EPHA4: variants seen among roughly 807,000 people sequenced by gnomAD.
The protein encoded by EPHA4 is ephrin type-A receptor 4.
In EPHA4, 19 loss-of-function variants were observed where a neutral mutation model predicts 108.3. That is an observed-to-expected ratio of 0.18 (90% confidence interval 0.12 to 0.26). The LOEUF (loss-of-function observed/expected upper bound fraction) is 0.26, where lower values mean the gene tolerates loss of function less well. Among genes scored for constraint, EPHA4 ranks in the 10% least tolerant of loss-of-function variants. The pLI is 1.00. For synonymous variants in EPHA4, 449 were observed against 455.5 expected, an observed-to-expected ratio of 0.99 and a Z score of 0.18; for missense variants, 917 against 1,254.0, an observed-to-expected ratio of 0.73 and a Z score of 4.06.
intron 5 of EPHA4, among the ~76,000 whole-genome samples, chr2:221,476,524 T>C (rs1003217164): frequency 3.9e-5 from 6 of 152,252 alleles, no homozygotes; most frequent in African/African-American, 1.4e-4. Flanking sequence ...TCTGAAGCTC[T>C]GTTACTAGTC....
chr2:221,459,290 A>G (rs1430222), intron 5 of EPHA4, among the ~76,000 whole-genome samples: 107,842 of 149,046 alleles, frequency 0.72, 38,857 homozygotes, highest in East Asian at 0.78. Flanking sequence ...TAACAGGCGC[A>G]CACACACACA....
chr2:221,469,188 A>T (rs1691403735), intron 5 of EPHA4, among the ~76,000 whole-genome samples: 1 of 152,238 alleles, frequency 6.6e-6, no homozygotes, highest in Non-Finnish European at 1.5e-5. Flanking sequence ...ATTTATGTTG[A>T]TAAAAGGTAC....
rs1034014466 is a variant in EPHA4, at chr2:221,571,657, C to T, written c.91+501G>A. ...GAGCGGCGCCACGACCGCTGCGCTGCGGAGCAGGCCCCGCAGCCCGGTCCC... is the reference window on the plus strand; with the variant it reads ...GAGCGGCGCCACGACCGCTGCGCTGTGGAGCAGGCCCCGCAGCCCGGTCCC... On this transcript the variant is annotated intron_variant, in intron 1 of 17. Coordinates refer to ENST00000281821, the MANE Select transcript of EPHA4 (RefSeq NM_004438.5). This position sits in a 1 kb window ranked among gnomAD's most constrained non-coding sequence, Gnocchi z 6.3. Among the ~76,000 whole-genome samples, 6 of 152,136 alleles carry T rather than the reference C, an allele frequency of 3.9e-5. No homozygotes were observed. Among genetic ancestry groups the T allele is most frequent in the African/African-American group, 1.4e-4 (6 of 41,430 alleles).
rs1469437187 is a variant in EPHA4 at position 221,522,350 on chromosome 2, C to A, written c.824-21178G>T. On this transcript the variant is annotated intron_variant, in intron 3 of 17. Transcript: ENST00000281821. Reference sequence around the variant, plus strand: ...ATTGTCAATATCACACGTTTGAATTCTTTGAGAACTGCACAGGGAAGTGAC... The same window carrying A: ...ATTGTCAATATCACACGTTTGAATTATTTGAGAACTGCACAGGGAAGTGAC... Among the ~76,000 whole-genome samples the A allele has an allele frequency of 2.0e-5, 3 of 152,326 alleles. No homozygotes were observed. In the East Asian group the frequency reaches 5.8e-4, roughly 29 times the overall value.
chr2:221,482,970 C>A (rs930910249), intron 4 of EPHA4, among the ~76,000 whole-genome samples: 1 of 152,218 alleles, frequency 6.6e-6, no homozygotes, highest in Non-Finnish European at 1.5e-5. Flanking sequence ...CAAGCCCAGG[C>A]TTTCCCTATG....
rs1242324088 is a variant in EPHA4 at position 221,446,226 on chromosome 2, C to T, written c.1716-45G>A. On this transcript the variant is annotated intron_variant, in intron 8 of 17. Coordinates refer to ENST00000281821, the MANE Select transcript of EPHA4 (RefSeq NM_004438.5). ...AAAGAGAATTATTTTCCTCAAACAC[C>T]TAAGCTTTAACACATGCCATAAGAC... The T allele has an allele frequency of 2.3e-6, 3 of 1,277,834 alleles. No homozygotes were observed. In the South Asian group the frequency reaches 4.9e-5, roughly 21 times the overall value. The allele number at this position is 1,277,834 out of a possible 1,614,324, so 79.2% of individuals were successfully genotyped here.
At chr2:221,569,211 C>G (rs1694757006) in intron 1 of EPHA4, among the ~76,000 whole-genome samples, 1 of 152,190 alleles carries the variant, frequency 6.6e-6, no homozygotes, top group Non-Finnish European at 1.5e-5. Flanking sequence ...GTGACAGAGC[C>G]ACAAGTGAAT....
At chr2:221,454,413 T>C (rs1374740662) in intron 8 of EPHA4, among the ~76,000 whole-genome samples, 3 of 152,218 alleles carry the variant, frequency 2.0e-5, no homozygotes. Flanking sequence ...GCACAGCTAC[T>C]GGTGGGGCCA....
At chr2:221,508,601 A>AAG (rs199757220) in intron 3 of EPHA4, among the ~76,000 whole-genome samples, 1 of 148,000 alleles carries the variant, frequency 6.8e-6, no homozygotes, top group Non-Finnish European at 1.5e-5. Context: ...AAAAAAAAAA[A>AAG]GAGTAAGAAA....
At chr2:221,458,741 C>CT (rs1691042047) in intron 5 of EPHA4, among the ~76,000 whole-genome samples, 1 of 152,194 alleles carries the variant, frequency 6.6e-6, no homozygotes, top group African/African-American at 2.4e-5. Context: ...TACACCCAGG[C>CT]TGCCCGATGC....
At chr2:221,457,697 G>C (rs893389442) in intron 6 of EPHA4, among the ~76,000 whole-genome samples, 169 bp downstream of exon 6, 2 of 150,638 alleles carry the variant, frequency 1.3e-5, no homozygotes, top group African/African-American at 4.9e-5. Flanking sequence ...CTTACAACTG[G>C]CTAACCCTTA....
intron 4 of EPHA4, among the ~76,000 whole-genome samples, chr2:221,490,915 A>G (rs537871635): frequency 1.3e-5 from 2 of 152,352 alleles, no homozygotes; most frequent in East Asian, 3.9e-4. Context: ...TGAACAGTGC[A>G]TAACCTCTTA....
At chr2:221,457,484 T>C (rs1574579485) in intron 6 of EPHA4, among the ~76,000 whole-genome samples, 2 of 152,352 alleles carry the variant, frequency 1.3e-5, no homozygotes, top group African/African-American at 2.4e-5. Context: ...CTCTCCCTGA[T>C]AGAAGGTTCA....
intron 11 of EPHA4, among the ~76,000 whole-genome samples, chr2:221,440,977 G>A (rs182981261): frequency 1.6e-4 from 25 of 152,128 alleles, no homozygotes; most frequent in Admixed American, 5.2e-4. Context: ...CTTACGGGCC[G>A]CACACCACCT....
chr2:221,443,417 T>C (rs1574567129), intron 10 of EPHA4, 76 bp downstream of exon 10: 1 of 1,105,472 alleles, frequency 9.0e-7, no homozygotes, highest in Non-Finnish European at 1.4e-6. Context: ...CACAAAAGCA[T>C]TTATGTAATC....
intron 14 of EPHA4, among the ~76,000 whole-genome samples, chr2:221,432,112 T>TTA (rs1246206092): frequency 7.6e-5 from 11 of 144,186 alleles, no homozygotes; most frequent in East Asian, 5.9e-4. Flanking sequence ...ACAGAATTCT[T>TTA]TATATATATA....
intron 3 of EPHA4, among the ~76,000 whole-genome samples, chr2:221,563,507 T>A (rs1319136420): frequency 6.6e-6 from 1 of 152,170 alleles, no homozygotes; most frequent in Non-Finnish European, 1.5e-5. Flanking sequence ...TGTTAGCAAA[T>A]GTGTTTGGCT....
intron 4 of EPHA4, among the ~76,000 whole-genome samples, chr2:221,495,210 G>A (rs1692265505): frequency 6.6e-6 from 1 of 152,172 alleles, no homozygotes; most frequent in Admixed American, 6.5e-5. Context: ...CTTCATACAG[G>A]AGACAGATGA....
intron 3 of EPHA4, among the ~76,000 whole-genome samples, chr2:221,516,630 G>A (rs1330254872): frequency 6.6e-6 from 1 of 152,176 alleles, no homozygotes; most frequent in African/African-American, 2.4e-5. Context: ...GGGATCACAG[G>A]GGTGAGCCAC....
Sources: allele counts gnomAD v4.1 joint callset (sites outside exome capture counted in the v4.1 genomes callset), GRCh38; gene constraint gnomAD v4.1.1; non-coding constraint Gnocchi (gnomAD v3.1); transcripts MANE v1.5; gene names NCBI Gene and HGNC (gene_info 2026-07-23, HGNC 2026-07-21).